RUFY2: variants seen among roughly 807,000 people sequenced by gnomAD.
The protein encoded by RUFY2 is RUN and FYVE domain-containing protein 2.
A neutral mutation model predicts 94.4 loss-of-function variants in RUFY2; 49 were observed. The ratio of observed to expected loss-of-function variants is 0.52; its 90% CI spans 0.41 to 0.66. RUFY2 has a LOEUF of 0.66. RUFY2 is among the 30% of genes least tolerant of loss of function. The pLI is 0.00. For missense variants in RUFY2, 541 were observed against 692.8 expected (o/e 0.78, Z 2.46); for synonymous variants, 255 against 235.7 (o/e 1.08, Z -0.75).
chr10:68,352,149 C>T (rs1381642794), intron 16 of RUFY2, among the ~76,000 whole-genome samples: 3 of 151,952 alleles, frequency 2.0e-5, no homozygotes, highest in Admixed American at 1.3e-4. Context: ...TTGGTAGAGA[C>T]AAGGGCTTGC....
downstream of RUFY2, chr10:68,341,377 A>T: frequency 6.7e-7 from 1 of 1,493,234 alleles, no homozygotes; most frequent in Non-Finnish European, 9.2e-7. Context: ...AGGCTCTAAG[A>T]TCTGTAGGTA....
chr10:68,404,874 A>G, intron 1 of RUFY2, 30 bp from the exon 2 acceptor site: 1 of 1,516,456 alleles, frequency 6.6e-7, no homozygotes, highest in Non-Finnish European at 8.9e-7. Context: ...ATCCAACATC[A>G]TTTGTAAGAC....
intron 7 of RUFY2, among the ~76,000 whole-genome samples, chr10:68,392,926 CAAA>C (rs11432211): frequency 2.5e-5 from 2 of 78,554 alleles, no homozygotes; most frequent in Non-Finnish European, 5.6e-5. Flanking sequence ...GACTTCATCT[CAAA>C]AAAAAAAAAA....
Position 68,343,831 on chromosome 10 carries a change from AAAG to A in RUFY2, c.*1934_*1936del, listed in dbSNP as rs1214487706. ...CCTAAAAAAAAAAAAAAAAAAAAAA[AAAG>A]CAAGTCAGTCAGTGTTGATACATGA... On this transcript the variant is annotated 3_prime_UTR_variant, in exon 18 of 18. Coordinates refer to ENST00000602465, the MANE Select transcript of RUFY2 (RefSeq NM_001330103.2). 3.8e-4 allele frequency: 55 copies of A among 144,560 alleles called. No homozygotes were observed. Among genetic ancestry groups the A allele is most frequent in the African/African-American group, 2.7e-4 (11 of 40,306 alleles). The allele number at this position is 144,560 out of a possible 1,614,324, so 9.0% of individuals were successfully genotyped here.
chr10:68,345,626 C>A lies in RUFY2; in HGVS notation c.*142G>T. 3 of 632,714 alleles carry A rather than the reference C, an allele frequency of 4.7e-6. No homozygotes were observed. The highest frequency in any genetic ancestry group is 5.1e-5 in the South Asian group (2 of 39,210). The allele number at this position is 632,714 out of a possible 1,614,324, so 39.2% of individuals were successfully genotyped here. A position where few individuals can be genotyped will look rare whatever the true frequency, so the allele number is the denominator to read the frequency against. On this transcript the variant is annotated 3_prime_UTR_variant, in exon 18 of 18. Transcript: ENST00000602465. Reference sequence around the variant, plus strand: ...AAGGAAATATATAACTTGTAATTTCCATGAGCTGAATATGTAGAAGATAAA... The same window carrying A: ...AAGGAAATATATAACTTGTAATTTCAATGAGCTGAATATGTAGAAGATAAA...
chr10:68,350,072 G>C (rs1234832153), intron 16 of RUFY2, among the ~76,000 whole-genome samples: 1 of 150,906 alleles, frequency 6.6e-6, no homozygotes, highest in Non-Finnish European at 1.5e-5. Context: ...TGCAGTAGTG[G>C]GATCTCAGCA....
intron 1 of RUFY2, chr10:68,406,804 A>AC: frequency 1.2e-6 from 2 of 1,611,608 alleles, no homozygotes; most frequent in Non-Finnish European, 1.7e-6. Flanking sequence ...GGCGTCAGGC[A>AC]CCCAGGCCAA....
intron 7 of RUFY2, among the ~76,000 whole-genome samples, chr10:68,391,653 C>CAAAAA (rs1230935983): frequency 3.5e-5 from 1 of 28,794 alleles, no homozygotes. Context: ...GACCCTGTCT[C>CAAAAA]AAAAAAAAAA....
At position 68,397,017 on chromosome 10, in the gene RUFY2, T is replaced by C. The variant is rs926773381; in HGVS notation, c.297-136A>G. ...TTTTCATTTTTATAGGTTTATCTTT[T>C]TGAGCACACAAACCAATCCCTGAGA... On this transcript the variant is annotated intron_variant, in intron 3 of 17. Coordinates refer to ENST00000602465, the MANE Select transcript of RUFY2 (RefSeq NM_001330103.2). 27 of 582,288 alleles carry C rather than the reference T, an allele frequency of 4.6e-5. No homozygotes were observed. In the South Asian group the frequency reaches 6.4e-4, roughly 14 times the overall value. The allele number at this position is 582,288 out of a possible 1,614,324, so 36.1% of individuals were successfully genotyped here.
intron 10 of RUFY2, among the ~76,000 whole-genome samples, chr10:68,381,706 G>A (rs984882359): frequency 1.3e-5 from 2 of 152,110 alleles, no homozygotes; most frequent in Non-Finnish European, 2.9e-5. Flanking sequence ...AACTTAGCCA[G>A]GCATGGTGGC....
chr10:68,347,726 TTTCCTAAAACATG>T (rs1321840905), intron 16 of RUFY2, among the ~76,000 whole-genome samples: 4 of 152,156 alleles, frequency 2.6e-5, no homozygotes, highest in Admixed American at 1.3e-4. Flanking sequence ...TACTGATTGA[TTTCCTAAAACATG>T]TTCCTAAAAC....
chr10:68,353,167 C>T (rs1024643480), intron 16 of RUFY2, among the ~76,000 whole-genome samples: 1 of 151,460 alleles, frequency 6.6e-6, no homozygotes, highest in African/African-American at 2.4e-5. Context: ...ACCATCTCTA[C>T]TAAAACTATA....
intron 13 of RUFY2, among the ~76,000 whole-genome samples, chr10:68,373,316 T>C (rs1029104705): frequency 6.6e-6 from 1 of 152,086 alleles, no homozygotes; most frequent in Non-Finnish European, 1.5e-5. Flanking sequence ...ATGTAACTTA[T>C]GGGAAGGCAG....
chr10:68,393,957 A>T (rs2050187917), intron 6 of RUFY2, 118 bp downstream of exon 6: 1 of 1,413,592 alleles, frequency 7.1e-7, no homozygotes, highest in Admixed American at 3.2e-5. Context: ...TGAAATGAAG[A>T]AGTCACAGGG....
chr10:68,406,651 G>T, intron 1 of RUFY2: 1 of 1,142,688 alleles, frequency 8.8e-7, no homozygotes, highest in Non-Finnish European at 1.2e-6. Flanking sequence ...CCCGCACCTT[G>T]CCGGGGCCTA....
Position 68,375,978 on chromosome 10 carries a change from T to C in RUFY2, c.1325+875A>G, listed in dbSNP as rs559001875. Among the ~76,000 whole-genome samples the C allele has an allele frequency of 5.3e-5, 8 of 151,666 alleles. No homozygotes were observed. The South Asian group carries it at 1.5e-3, about 28-fold the overall frequency. Reference sequence around the variant, plus strand: ...AGCCAGGTGTGGTGGCACAAGCCTGTAGTCCCAGCTACTCGGGAGGCTGAG... The same window carrying C: ...AGCCAGGTGTGGTGGCACAAGCCTGCAGTCCCAGCTACTCGGGAGGCTGAG... On this transcript the variant is annotated intron_variant, in intron 13 of 17. Transcript: ENST00000602465.
intron 10 of RUFY2, among the ~76,000 whole-genome samples, chr10:68,382,726 A>C (rs959973296): frequency 5.2e-5 from 7 of 134,270 alleles, no homozygotes; most frequent in Non-Finnish European, 7.6e-5. Flanking sequence ...AAAAAAAAAA[A>C]AAGAAAAAAA....
intron 16 of RUFY2, among the ~76,000 whole-genome samples, chr10:68,353,981 A>T (rs1003366214): frequency 6.6e-6 from 1 of 152,086 alleles, no homozygotes; most frequent in Non-Finnish European, 1.5e-5. Flanking sequence ...TCAAGAGCAA[A>T]TAGTACATAC....
At position 68,345,628 on chromosome 10, in the gene RUFY2, T is replaced by G; in HGVS notation, c.*140A>C. Reference sequence around the variant, plus strand: ...GGAAATATATAACTTGTAATTTCCATGAGCTGAATATGTAGAAGATAAACT... The same window carrying G: ...GGAAATATATAACTTGTAATTTCCAGGAGCTGAATATGTAGAAGATAAACT... On this transcript the variant is annotated 3_prime_UTR_variant, in exon 18 of 18. Coordinates refer to ENST00000602465, the MANE Select transcript of RUFY2 (RefSeq NM_001330103.2). 14 of 648,574 alleles carry G rather than the reference T, an allele frequency of 2.2e-5. No homozygotes were observed. The highest frequency in any genetic ancestry group is 3.1e-5 in the Non-Finnish European group (12 of 383,504). 40.2% of individuals were successfully genotyped at this position (648,574 alleles called of 1,614,324 possible).
Sources: gnomAD v4.1 joint callset for allele counts (sites outside exome capture counted in the v4.1 genomes callset) on GRCh38, gnomAD v4.1.1 for gene constraint, MANE v1.5 for transcripts, NCBI Gene and HGNC (gene_info 2026-07-23, HGNC 2026-07-21) for gene names.